Variants in RBFOX1 observed in about 807,000 individuals in gnomAD.
RBFOX1 encodes RNA binding fox-1 homolog 1, also known as RNA binding protein fox-1 homolog 1.
RBFOX1 carries 8 observed loss-of-function variants against 57.7 expected under a neutral mutation model. That is an observed-to-expected ratio of 0.14 (90% confidence interval 0.08 to 0.25). The LOEUF (loss-of-function observed/expected upper bound fraction) is 0.25. Ranked by LOEUF, RBFOX1 falls within the 10% of genes least tolerant of loss-of-function variation. RBFOX1 has a pLI of 1.00. For synonymous variants in RBFOX1, 326 were observed against 222.4 expected, an observed-to-expected ratio of 1.47 and a Z score of -4.15; for missense variants, 611 against 548.5, an observed-to-expected ratio of 1.11 and a Z score of -1.14.
In RBFOX1 at chr16:6,483,910, A is replaced by ACG. The variant is rs1161424155; in HGVS notation, c.-64+166856_-64+166857dup. ...GCTGCGTTTGCAGCGCGTGAATGGG[A>ACG]CGCGGTATGTAAGCCGAGCTCCAGC... is the stretch of plus-strand genomic sequence containing the variant. On this transcript the variant is annotated intron_variant, in intron 2 of 15. Coordinates refer to ENST00000550418, the MANE Select transcript of RBFOX1 (RefSeq NM_018723.4). 15 of 1,099,258 alleles carry ACG rather than the reference A, an allele frequency of 1.4e-5. No individual in the cohort carries two copies. The Middle Eastern group carries it at 2.1e-3, about 152-fold the overall frequency. 68.1% of individuals were successfully genotyped at this position (1,099,258 alleles called of 1,614,324 possible).
intron 1 of RBFOX1, among the ~76,000 whole-genome samples, chr16:5,451,935 A>C (rs538835): frequency 0.25 from 38,265 of 151,860 alleles, 6,268 homozygotes; most frequent in African/African-American, 0.47. Flanking sequence ...CTCCAGCTGT[A>C]TGGCTGTCTC....
intron 4 of RBFOX1, among the ~76,000 whole-genome samples, chr16:5,965,473 T>A (rs914556009): frequency 6.6e-6 from 1 of 152,112 alleles, no homozygotes; most frequent in Non-Finnish European, 1.5e-5. Flanking sequence ...GGGAAACCAA[T>A]CAAGCTGTAA....
At chr16:7,376,352 G>A (rs941616943) in intron 4 of RBFOX1, among the ~76,000 whole-genome samples, 3 of 151,970 alleles carry the variant, frequency 2.0e-5, no homozygotes, top group African/African-American at 7.2e-5. Context: ...ATTTCATATC[G>A]CTAATGTATG....
chr16:6,717,483 C>T (rs138710339), intron 3 of RBFOX1, among the ~76,000 whole-genome samples: 1 of 152,258 alleles, frequency 6.6e-6, no homozygotes, highest in East Asian at 1.9e-4. Flanking sequence ...AACTCAAAAA[C>T]TCCAAACTTG....
At chr16:6,851,081 G>A (rs1486145424) in intron 3 of RBFOX1, among the ~76,000 whole-genome samples, 1 of 152,114 alleles carries the variant, frequency 6.6e-6, no homozygotes, top group African/African-American at 2.4e-5. Context: ...CAACAACTAG[G>A]ATGAAACTCC....
chr16:6,856,568 C>G (rs1167520843), intron 3 of RBFOX1, among the ~76,000 whole-genome samples: 1 of 152,134 alleles, frequency 6.6e-6, no homozygotes, highest in Non-Finnish European at 1.5e-5. Flanking sequence ...TGTTTCCCAT[C>G]AGGTGATATT....
intron 3 of RBFOX1, among the ~76,000 whole-genome samples, chr16:5,759,971 T>C (rs576903410): frequency 2.6e-5 from 4 of 151,050 alleles, no homozygotes; most frequent in Non-Finnish European, 4.4e-5. Context: ...TAGGTTTCTA[T>C]AATCTTGTAG....
intron 1 of RBFOX1, among the ~76,000 whole-genome samples, chr16:5,376,839 G>A (rs1420638090): frequency 6.7e-6 from 1 of 150,324 alleles, no homozygotes; most frequent in African/African-American, 2.5e-5. Flanking sequence ...AGCCAGTGAT[G>A]TTGCCCCATG....
At chr16:6,933,698 G>A (rs1478371953) in intron 3 of RBFOX1, among the ~76,000 whole-genome samples, 2 of 152,250 alleles carry the variant, frequency 1.3e-5, no homozygotes, top group Non-Finnish European at 2.9e-5. Context: ...CTGGGGGACA[G>A]CACGAGACTG....
At chr16:6,415,647 G>C (rs1332048319) in intron 2 of RBFOX1, among the ~76,000 whole-genome samples, 1 of 152,098 alleles carries the variant, frequency 6.6e-6, no homozygotes, top group Non-Finnish European at 1.5e-5. Flanking sequence ...GTTGCAGTGA[G>C]CTGAGATAAC....
rs116991514 is a variant in RBFOX1 at position 6,818,432 on chromosome 16, A to T, written c.-16+163782A>T. On this transcript the variant is annotated intron_variant, in intron 3 of 15. Transcript: ENST00000550418. ...ACGTACAGATCCATGAGTGGCCAAA[A>T]AGAAAAAAAAAATATTATTGAATGC... 9.2e-5 allele frequency among the ~76,000 whole-genome samples: 14 copies of T among 152,272 alleles called. No individual in the cohort carries two copies. In the East Asian group the frequency reaches 2.7e-3, roughly 30 times the overall value.
chr16:5,547,433 A>T (rs546809308), intron 2 of RBFOX1, among the ~76,000 whole-genome samples: 1 of 152,210 alleles, frequency 6.6e-6, no homozygotes, highest in Non-Finnish European at 1.5e-5. Flanking sequence ...AGTAAAAAGG[A>T]ATGAGCTATC....
chr16:5,860,838 A>G (rs1424587293), intron 3 of RBFOX1, among the ~76,000 whole-genome samples: 1 of 152,180 alleles, frequency 6.6e-6, no homozygotes, highest in African/African-American at 2.4e-5. Flanking sequence ...CAGCAAAAAG[A>G]GGCCCTGATC....
At chr16:5,776,833 G>T (rs1313338534) in intron 3 of RBFOX1, among the ~76,000 whole-genome samples, 1 of 152,190 alleles carries the variant, frequency 6.6e-6, no homozygotes, top group East Asian at 1.9e-4. Flanking sequence ...AGGAGATTTT[G>T]TGTGATGATG....
At chr16:6,469,175 G>T (rs965082583) in intron 2 of RBFOX1, among the ~76,000 whole-genome samples, 1 of 152,116 alleles carries the variant, frequency 6.6e-6, no homozygotes, top group Non-Finnish European at 1.5e-5. Context: ...TGGTAGAAAA[G>T]AAAATAGAGT....
chr16:7,053,155 C>T (rs2050690889), intron 4 of RBFOX1, among the ~76,000 whole-genome samples: 1 of 152,164 alleles, frequency 6.6e-6, no homozygotes, highest in Admixed American at 6.5e-5. Flanking sequence ...TTCACAGTTG[C>T]TGTTGGCATC....
chr16:6,360,989 G>T (rs911831184), intron 2 of RBFOX1, among the ~76,000 whole-genome samples: 2 of 144,726 alleles, frequency 1.4e-5, no homozygotes, highest in Admixed American at 1.4e-4. Context: ...TTTTAGGCAG[G>T]TAATTTTTGC....
intron 3 of RBFOX1, among the ~76,000 whole-genome samples, chr16:6,766,426 G>T (rs146961082): frequency 6.6e-6 from 1 of 152,060 alleles, no homozygotes; most frequent in Non-Finnish European, 1.5e-5. Context: ...GCCTTTCAAA[G>T]GTCACTTGGC....
At chr16:6,135,518 A>G (rs893123141) in intron 1 of RBFOX1, among the ~76,000 whole-genome samples, 3 of 152,176 alleles carry the variant, frequency 2.0e-5, no homozygotes, top group Non-Finnish European at 4.4e-5. Flanking sequence ...CACAGATTCA[A>G]CAGGGTCAGG....
Sources: allele counts gnomAD v4.1 joint callset (sites outside exome capture counted in the v4.1 genomes callset), GRCh38; gene constraint gnomAD v4.1.1; transcripts MANE v1.5; gene names NCBI Gene and HGNC (gene_info 2026-07-23, HGNC 2026-07-21).